The following VIPR2 variants were observed in gnomAD, a reference collection of about 807,000 sequenced individuals.
VIPR2 encodes vasoactive intestinal peptide receptor 2, also known as vasoactive intestinal polypeptide receptor 2.
VIPR2 carries 48 observed loss-of-function variants against 58.0 expected under a neutral mutation model. That is an observed-to-expected ratio of 0.83 (90% CI 0.66 to 1.05). The LOEUF is 1.05. Among genes scored for constraint, VIPR2 ranks in the 50% least tolerant of loss-of-function variants. The probability of loss-of-function intolerance (pLI) is 0.00; values close to 1 mark genes in which losing one functional copy is unlikely to be tolerated. For missense variants in VIPR2, 534 were observed against 558.0 expected, an observed-to-expected ratio of 0.96 and a Z score of 0.43; for synonymous variants, 243 against 235.2, an observed-to-expected ratio of 1.03 and a Z score of -0.30.
intron 8 of VIPR2, 48 bp downstream of exon 8, chr7:159,035,903 AG>A (rs775700118): frequency 1.0e-5 from 16 of 1,595,738 alleles, no homozygotes; most frequent in Non-Finnish European, 1.4e-5. Flanking sequence ...TCATGTTGCC[AG>A]ATGTTGCCGG....
Position 159,036,915 on chromosome 7 carries a change from A to G in VIPR2, c.598-13T>C. 6.2e-7 allele frequency: 1 copy of G among 1,609,256 alleles called. No homozygotes were observed. The highest frequency in any genetic ancestry group is 8.5e-7 in the Non-Finnish European group (1 of 1,176,668). On this transcript the variant is annotated splice_polypyrimidine_tract_variant and intron_variant, in intron 6 of 12. Transcript: ENST00000262178. ...GCTTGCAGCCCACCTGGAAACCGCA[A>G]ACAGAGGAGAGGAAAGCATGACCTC...
chr7:159,103,694 G>C, intron 4 of VIPR2, 63 bp downstream of exon 4: 1 of 1,238,710 alleles, frequency 8.1e-7, no homozygotes, highest in Non-Finnish European at 1.2e-6. Context: ...AGGGCAGGAG[G>C]GGGCTTCTGG....
chr7:159,137,823 A>T (rs1309101476), intron 2 of VIPR2, among the ~76,000 whole-genome samples: 1 of 152,230 alleles, frequency 6.6e-6, no homozygotes, highest in Non-Finnish European at 1.5e-5. Flanking sequence ...TGTTTATCTC[A>T]TCAGTCCAAA....
chr7:159,061,036 GGAATA>G (rs1371211166), intron 4 of VIPR2, among the ~76,000 whole-genome samples: 1 of 152,190 alleles, frequency 6.6e-6, no homozygotes, highest in Non-Finnish European at 1.5e-5. Flanking sequence ...TACAGAGCAT[GGAATA>G]TTACGCAGCC....
At chr7:159,103,876 T>G in intron 3 of VIPR2, 22 bp from the exon 4 acceptor site, 1 of 1,597,242 alleles carries the variant, frequency 6.3e-7, no homozygotes, top group Non-Finnish European at 8.6e-7. Flanking sequence ...AGTTCAGATA[T>G]TTTATCTGCA....
intron 10 of VIPR2, among the ~76,000 whole-genome samples, chr7:159,033,545 C>A (rs578009884): frequency 1.3e-5 from 2 of 152,274 alleles, no homozygotes; most frequent in South Asian, 4.2e-4. Flanking sequence ...TTTATAGATT[C>A]CCCGGATCAT....
At position 159,034,659 on chromosome 7, in the gene VIPR2, G is replaced by C; in HGVS notation, c.810-9C>G. 1.2e-6 allele frequency: 2 copies of C among 1,613,190 alleles called. No homozygotes were observed. The highest frequency in any genetic ancestry group is 1.7e-6 in the Non-Finnish European group (2 of 1,179,248). ...CGTTTGTATCCCAGCAACTGTCAGA[G>C]AGAGATGGGAAATCAGGTTACCACC... On this transcript the variant is annotated splice_polypyrimidine_tract_variant and intron_variant, in intron 8 of 12. Coordinates refer to ENST00000262178, the MANE Select transcript of VIPR2 (RefSeq NM_003382.5).
chr7:159,142,265 C>A (rs1797500711), intron 2 of VIPR2, among the ~76,000 whole-genome samples, 181 bp downstream of exon 2: 1 of 152,010 alleles, frequency 6.6e-6, no homozygotes, highest in South Asian at 2.1e-4. Flanking sequence ...GTGTGAAGAC[C>A]CTACCTATCC....
chr7:159,084,947 T>C (rs549175689), intron 4 of VIPR2, among the ~76,000 whole-genome samples: 12 of 152,344 alleles, frequency 7.9e-5, no homozygotes, highest in African/African-American at 2.6e-4. Flanking sequence ...AAGGGCATCA[T>C]GGCCCATGGA....
chr7:159,136,268 C>A (rs571580655), intron 2 of VIPR2, among the ~76,000 whole-genome samples: 3 of 152,116 alleles, frequency 2.0e-5, no homozygotes, highest in South Asian at 4.2e-4. Flanking sequence ...GGTCTCTCTT[C>A]TTCTTATAAA....
intron 2 of VIPR2, among the ~76,000 whole-genome samples, chr7:159,121,043 T>C (rs1053972685): frequency 1.3e-5 from 2 of 152,148 alleles, no homozygotes; most frequent in Non-Finnish European, 2.9e-5. Context: ...GAGCTAAACA[T>C]ATTAAATAAC....
At chr7:159,035,490 A>G (rs1585328447) in intron 8 of VIPR2, among the ~76,000 whole-genome samples, 1 of 152,320 alleles carries the variant, frequency 6.6e-6, no homozygotes, top group South Asian at 2.1e-4. Context: ...ACGCGTGCTC[A>G]TGTCTGGGCC....
At chr7:159,120,786 C>T (rs1296608156) in intron 2 of VIPR2, among the ~76,000 whole-genome samples, 2 of 152,200 alleles carry the variant, frequency 1.3e-5, no homozygotes, top group Non-Finnish European at 2.9e-5. Context: ...CTTGTCGCTT[C>T]TCACCTCTGT....
Position 159,142,541 on chromosome 7 carries a change from T to C in VIPR2, c.56A>G (p.Asn19Ser). ...LLTCWLLAPV[N>S]SIHPECRFHL... ...AAATCGGCATTCTGGGTGAATGCTG[T>C]TCACCTGTTCACGGTTAAAAGAAAT... Residue 19 changes from asparagine to serine, a missense_variant, in exon 2 of 13, where the codon AAC (asparagine) becomes AGC (serine). Asn to Ser is a conservative substitution (Grantham distance 46). Around this residue, in one of 3 missense-constraint regions of VIPR2, gnomAD observed 224 missense variants for 255.7 expected, o/e 0.88. Coordinates refer to ENST00000262178, the MANE Select transcript of VIPR2 (RefSeq NM_003382.5). 7 of 1,608,606 alleles carry C rather than the reference T, an allele frequency of 4.4e-6. No individual in the cohort carries two copies. Among genetic ancestry groups the C allele is most frequent in the Non-Finnish European group, 4.3e-6 (5 of 1,176,060 alleles).
intron 2 of VIPR2, among the ~76,000 whole-genome samples, chr7:159,139,582 TA>T (rs554575161): frequency 1.3e-5 from 2 of 152,142 alleles, no homozygotes; most frequent in Non-Finnish European, 2.9e-5. Flanking sequence ...TCCATTGTTT[TA>T]AAAAAAATCA....
chr7:159,133,031 C>CATACCGATTGATTCTAGA (rs1488940713), intron 2 of VIPR2, among the ~76,000 whole-genome samples: 1 of 104,186 alleles, frequency 9.6e-6, no homozygotes, highest in Non-Finnish European at 2.1e-5. Context: ...CAGAATGATT[C>CATACCGATTGATTCTAGA]CAAAAATGCA....
intron 6 of VIPR2, among the ~76,000 whole-genome samples, chr7:159,037,807 TAA>T (rs1854068179): frequency 6.6e-6 from 1 of 152,162 alleles, no homozygotes; most frequent in Non-Finnish European, 1.5e-5. Context: ...TAAGCTTATA[TAA>T]AGTGTGCTGA....
At chr7:159,130,462 G>GA (rs200805580) in intron 2 of VIPR2, among the ~76,000 whole-genome samples, 12,062 of 25,378 alleles carry the variant, frequency 0.48, 515 homozygotes, top group Middle Eastern at 0.51. Flanking sequence ...TATCTTTTCA[G>GA]GGTTCTGCAT....
rs746279223 is a variant in VIPR2 at position 159,034,651 on chromosome 7, C to G, written c.810-1G>C. The G allele has an allele frequency of 1.2e-6, 2 of 1,613,628 alleles. No homozygotes were observed. Among genetic ancestry groups the G allele is most frequent in the South Asian group, 2.2e-5 (2 of 91,058 alleles). On this transcript the variant is annotated splice_acceptor_variant, in intron 8 of 12. Coordinates refer to ENST00000262178, the MANE Select transcript of VIPR2 (RefSeq NM_003382.5). LOFTEE classifies it high-confidence loss of function. ...ACTGTGGTCGTTTGTATCCCAGCAA[C>G]TGTCAGAGAGAGATGGGAAATCAGG... is the stretch of plus-strand genomic sequence containing the variant.
Sources: gnomAD v4.1 joint callset for allele counts (sites outside exome capture counted in the v4.1 genomes callset) on GRCh38, gnomAD v4.1.1 for gene constraint, gnomAD v4.1.1 regional missense constraint, MANE v1.5 for transcripts, NCBI Gene and HGNC (gene_info 2026-07-23, HGNC 2026-07-21) for gene names.